The following DPP6 variants were observed in gnomAD, a reference collection of about 807,000 sequenced individuals.
The protein encoded by DPP6 is A-type potassium channel modulatory protein DPP6.
DPP6 carries 69 observed loss-of-function variants against 122.6 expected under a neutral mutation model. The observed-to-expected ratio is 0.56, with a 90% CI of 0.46 to 0.69. DPP6 has a LOEUF of 0.69. DPP6 is among the 30% of genes least tolerant of loss of function. DPP6 has a pLI of 0.00. For missense variants in DPP6, 928 were observed against 1,116.9 expected (o/e 0.83, Z 2.41); for synonymous variants, 418 against 433.1 (o/e 0.97, Z 0.43).
At position 154,023,318 on chromosome 7, in the gene DPP6, G is replaced by GCACGCGCACACACACA. The variant is rs373378162; in HGVS notation, c.51+135587_51+135588insGCGCACACACACACAC. ...CAGGCTCTGGAAATGTTTCTTGTCT[G>GCACGCGCACACACACA]CACACACACACACACACACACACAC... is the stretch of plus-strand genomic sequence containing the variant. On this transcript the variant is annotated intron_variant, in intron 1 of 25. Coordinates refer to the DPP6 transcript ENST00000404039. Among the ~76,000 whole-genome samples, 159 of 129,616 alleles carry GCACGCGCACACACACA rather than the reference G, an allele frequency of 1.2e-3. 5 individuals carry two copies. The highest frequency in any genetic ancestry group is 3.9e-3 in the Middle Eastern group (1 of 258). 85.0% of individuals were successfully genotyped at this position (129,616 alleles called of 152,430 possible).
intron 4 of DPP6, among the ~76,000 whole-genome samples, chr7:154,559,742 C>A (rs954432729): frequency 1.3e-5 from 2 of 151,738 alleles, no homozygotes; most frequent in Non-Finnish European, 2.9e-5. Flanking sequence ...GTTCTACACA[C>A]CACAGAAATA....
intron 5 of DPP6, among the ~76,000 whole-genome samples, chr7:154,620,562 A>C (rs1834576078): frequency 6.6e-6 from 1 of 152,226 alleles, no homozygotes; most frequent in African/African-American, 2.4e-5. Flanking sequence ...TTAATGACAC[A>C]AGTGTGCAGT....
chr7:154,272,978 T>C (rs1803892033), intron 1 of DPP6, among the ~76,000 whole-genome samples: 1 of 152,166 alleles, frequency 6.6e-6, no homozygotes, highest in South Asian at 2.1e-4. Flanking sequence ...ATTCACACAT[T>C]ATCAAGAAAA....
At chr7:154,217,806 A>G (rs1800087290) in intron 1 of DPP6, among the ~76,000 whole-genome samples, 1 of 152,198 alleles carries the variant, frequency 6.6e-6, no homozygotes, top group Non-Finnish European at 1.5e-5. Flanking sequence ...GGAGCCAAAG[A>G]GCCCTGCTGT....
chr7:154,125,374 A>G (rs1413870292), intron 1 of DPP6, among the ~76,000 whole-genome samples: 1 of 152,248 alleles, frequency 6.6e-6, no homozygotes, highest in Non-Finnish European at 1.5e-5. Flanking sequence ...AAACATGTAT[A>G]TATTAAATTA....
chr7:154,374,891 C>T lies in DPP6; in HGVS notation c.244-71323C>T, dbSNP rs200720566. 5.3e-5 allele frequency among the ~76,000 whole-genome samples: 8 copies of T among 152,316 alleles called. No individual in the cohort carries two copies. In the East Asian group the frequency reaches 1.2e-3, roughly 22 times the overall value. ...CCTCCCAAAGTGCTGGGATTACAGG[C>T]GTGAGCCACCGCGCCCGGCCGACAT... On this transcript the variant is annotated intron_variant, in intron 1 of 25. Coordinates refer to ENST00000377770, the MANE Select transcript of DPP6 (RefSeq NM_130797.4).
chr7:153,983,987 A>G lies in DPP6; in HGVS notation c.51+96253A>G, dbSNP rs554954587. On this transcript the variant is annotated intron_variant, in intron 1 of 25. Transcript: ENST00000404039. ...GGAGCTGCAGATCGGAGCTGTTCCTATTTGGCCATTTTGGCCAGGAATCCT... is the reference window on the plus strand; with the variant it reads ...GGAGCTGCAGATCGGAGCTGTTCCTGTTTGGCCATTTTGGCCAGGAATCCT... Among the ~76,000 whole-genome samples, 3 of 150,104 alleles carry G rather than the reference A, an allele frequency of 2.0e-5. No homozygotes were observed. In the South Asian group the frequency reaches 6.3e-4, roughly 32 times the overall value.
intron 1 of DPP6, among the ~76,000 whole-genome samples, chr7:154,339,864 G>T (rs944690044): frequency 6.6e-6 from 1 of 152,110 alleles, no homozygotes; most frequent in African/African-American, 2.4e-5. Flanking sequence ...CACGAGGTCA[G>T]GAGTTCAAAA....
chr7:154,242,695 G>A (rs1022864012), intron 1 of DPP6, among the ~76,000 whole-genome samples: 1 of 152,194 alleles, frequency 6.6e-6, no homozygotes, highest in African/African-American at 2.4e-5. Context: ...GACCTGAGGA[G>A]GAGATTGGAG....
rs189374222 is a variant in DPP6 at position 154,386,765 on chromosome 7, G to A, written c.244-59449G>A. 2.6e-5 allele frequency among the ~76,000 whole-genome samples: 4 copies of A among 152,294 alleles called. No individual in the cohort carries two copies. The East Asian group carries it at 5.8e-4, about 22-fold the overall frequency. The stretch of plus-strand genomic sequence containing the variant: ...GAAAGCTGAGGAGAACAAAAGTAGC[G>A]TTAGCTGGAGACATATGCCATTTGT... On this transcript the variant is annotated intron_variant, in intron 1 of 25. Transcript: ENST00000377770.
At chr7:154,281,524 C>T (rs1482916369) in intron 1 of DPP6, among the ~76,000 whole-genome samples, 5 of 152,238 alleles carry the variant, frequency 3.3e-5, no homozygotes, top group Middle Eastern at 3.4e-3. Context: ...AACTTAACAC[C>T]ACCACTGTTT....
chr7:153,843,288 A>G, the DPP6 span, among the ~76,000 whole-genome samples: 2 of 152,128 alleles, frequency 1.3e-5, no homozygotes, highest in Admixed American at 6.5e-5. Context: ...GCGCACACAC[A>G]CACACACACA....
chr7:154,589,596 G>C (rs1353653325), intron 5 of DPP6, among the ~76,000 whole-genome samples: 1 of 152,242 alleles, frequency 6.6e-6, no homozygotes, highest in East Asian at 1.9e-4. Flanking sequence ...CTTGAGCATG[G>C]GGAATGTGGC....
chr7:153,806,509 G>A, the DPP6 span, among the ~76,000 whole-genome samples: 30 of 151,532 alleles, frequency 2.0e-4, no homozygotes, highest in African/African-American at 6.6e-4. Context: ...TCCAGCTTCA[G>A]TCTAAGCTCC....
chr7:154,413,016 G>T (rs1339481488), intron 1 of DPP6, among the ~76,000 whole-genome samples: 1 of 152,268 alleles, frequency 6.6e-6, no homozygotes, highest in East Asian at 1.9e-4. Flanking sequence ...GCATCCCCTG[G>T]GAGTTCATGA....
At chr7:154,168,797 C>T (rs573138964) in intron 1 of DPP6, among the ~76,000 whole-genome samples, 26 of 152,308 alleles carry the variant, frequency 1.7e-4, no homozygotes, top group African/African-American at 4.3e-4. Flanking sequence ...AGTCAAGATT[C>T]GTTGAGCTAG....
At chr7:153,788,462 C>T in the DPP6 span, among the ~76,000 whole-genome samples, 3 of 152,184 alleles carry the variant, frequency 2.0e-5, no homozygotes, top group Non-Finnish European at 2.9e-5. Flanking sequence ...AGTTTCATTG[C>T]CCACTTTATG....
At chr7:154,590,670 G>T (rs1214555755) in intron 5 of DPP6, among the ~76,000 whole-genome samples, 1 of 150,102 alleles carries the variant, frequency 6.7e-6, no homozygotes, top group East Asian at 2.0e-4. Context: ...GAGTAGCTGG[G>T]ATTACAGGCA....
chr7:154,113,412 T>TATATATATATATACACACAC (rs1472172445), intron 1 of DPP6, among the ~76,000 whole-genome samples: 5 of 141,886 alleles, frequency 3.5e-5, no homozygotes, highest in Middle Eastern at 3.6e-3. Flanking sequence ...TATATATATA[T>TATATATATATATACACACAC]ACACACACAC....
Sources: allele counts gnomAD v4.1 joint callset (sites outside exome capture counted in the v4.1 genomes callset), GRCh38; gene constraint gnomAD v4.1.1; transcripts MANE v1.5; gene names NCBI Gene and HGNC (gene_info 2026-07-23, HGNC 2026-07-21).